The following HGD variants were observed in gnomAD, a reference collection of about 807,000 sequenced individuals.
HGD encodes the protein homogentisate 1,2-dioxygenase.
A neutral mutation model predicts 60.8 loss-of-function variants in HGD; 61 were observed. The observed-to-expected ratio is 1.00, with a 90% CI of 0.82 to 1.24. The LOEUF is 1.24. HGD is among the 50% of genes most tolerant of loss of function. HGD has a pLI of 0.00. For missense variants in HGD, 542 were observed against 547.1 expected (o/e 0.99, Z 0.09); for synonymous variants, 212 against 187.7 (o/e 1.13, Z -1.06).
At chr3:120,633,602 C>G (rs1452978352) in intron 12 of HGD, 6 of 1,398,822 alleles carry the variant, frequency 4.3e-6, no homozygotes, top group Non-Finnish European at 5.7e-6. Flanking sequence ...TAAAGAAAAT[C>G]AGGGCCCAGA....
intron 13 of HGD, 126 bp from the exon 14 acceptor site, chr3:120,628,655 T>C: frequency 1.7e-6 from 2 of 1,147,428 alleles, no homozygotes; most frequent in South Asian, 2.6e-5. Flanking sequence ...ATTTGTGTGC[T>C]AGAGTGGTGA....
chr3:120,632,771 T>C (rs1293600671), intron 13 of HGD, among the ~76,000 whole-genome samples: 1 of 152,204 alleles, frequency 6.6e-6, no homozygotes, highest in African/African-American at 2.4e-5. Flanking sequence ...TACATTTGAA[T>C]AGTGTTGGAC....
chr3:120,646,692 G>T (rs149298942), intron 8 of HGD, among the ~76,000 whole-genome samples: 1 of 151,072 alleles, frequency 6.6e-6, no homozygotes, highest in East Asian at 1.9e-4. Context: ...TGCCTCTACT[G>T]CCATTAGTGG....
chr3:120,641,442 C>T (rs1940975190), intron 11 of HGD, 147 bp downstream of exon 11: 7 of 686,858 alleles, frequency 1.0e-5, no homozygotes, highest in Non-Finnish European at 1.6e-5. Context: ...GTGTTATTTA[C>T]TCCCTCACCA....
At chr3:120,655,261 G>A (rs538291513) in intron 4 of HGD, among the ~76,000 whole-genome samples, 7 of 152,296 alleles carry the variant, frequency 4.6e-5, no homozygotes, top group African/African-American at 1.7e-4. Flanking sequence ...TAGCACATTA[G>A]CCCTCAAGTC....
intron 6 of HGD, 59 bp downstream of exon 6, chr3:120,650,715 C>T (rs1043514773): frequency 7.6e-7 from 1 of 1,313,692 alleles, no homozygotes; most frequent in African/African-American, 1.4e-5. Context: ...TGGAGTTTGA[C>T]TTCTGGCCAA....
At chr3:120,639,175 G>A (rs764674864) in intron 11 of HGD, among the ~76,000 whole-genome samples, 11 of 152,128 alleles carry the variant, frequency 7.2e-5, no homozygotes, top group African/African-American at 1.2e-4. Context: ...CCCAGGTAGC[G>A]AGCATAGTAT....
chr3:120,678,536 C>T (rs1272276630), intron 1 of HGD, among the ~76,000 whole-genome samples: 1 of 152,032 alleles, frequency 6.6e-6, no homozygotes, highest in African/African-American at 2.4e-5. Context: ...GTTTGGAACA[C>T]GAGTTAGTAT....
intron 13 of HGD, among the ~76,000 whole-genome samples, chr3:120,630,840 A>T (rs1174726548): frequency 1.2e-5 from 1 of 85,596 alleles, no homozygotes; most frequent in Admixed American, 1.2e-4. Flanking sequence ...ATACACACAC[A>T]CATACACACA....
chr3:120,672,540 G>A (rs779340350), intron 3 of HGD, among the ~76,000 whole-genome samples: 1 of 152,088 alleles, frequency 6.6e-6, no homozygotes, highest in Non-Finnish European at 1.5e-5. Flanking sequence ...GCCATCTGGG[G>A]GAAAAAGGGC....
intron 13 of HGD, among the ~76,000 whole-genome samples, chr3:120,631,405 C>A (rs1330109550): frequency 6.6e-6 from 1 of 151,758 alleles, no homozygotes; most frequent in Non-Finnish European, 1.5e-5. Flanking sequence ...TAATGGATAC[C>A]CCATTTATCT....
intron 6 of HGD, among the ~76,000 whole-genome samples, chr3:120,648,923 G>T (rs1941246326): frequency 1.3e-5 from 2 of 152,130 alleles, no homozygotes; most frequent in South Asian, 4.2e-4. Context: ...GAACCCTGAA[G>T]GAGTTGCCTG....
Position 120,633,159 on chromosome 3 carries a change from G to A in HGD, c.1176C>T (p.Ala392=), listed in dbSNP as rs368805723. The A allele has an allele frequency of 3.5e-5, 57 of 1,614,014 alleles. No homozygotes were observed. The African/African-American group carries it at 4.9e-4, about 14-fold the overall frequency. The change falls in exon 13 of 14, where the codon GCC becomes GCT. Residue 392 remains alanine (A), a synonymous_variant. Transcript: ENST00000283871. ...SKVKLAPERI[A]DGTMAFMFES... Reference sequence around the variant, plus strand: ...TTAACATACTTACCATGGTGCCATCGGCAATCCTCTCAGGTGCCAGCTTGA... The same window carrying A: ...TTAACATACTTACCATGGTGCCATCAGCAATCCTCTCAGGTGCCAGCTTGA...
intron 3 of HGD, chr3:120,674,652 A>G (rs1195021595): frequency 2.7e-5 from 12 of 437,818 alleles, no homozygotes; most frequent in Non-Finnish European, 4.7e-5. Context: ...TATAGGAGGT[A>G]ATTTGTAAAT....
chr3:120,655,858 A>C (rs1379089065), intron 4 of HGD, among the ~76,000 whole-genome samples: 1 of 152,194 alleles, frequency 6.6e-6, no homozygotes, highest in African/African-American at 2.4e-5. Context: ...TCTTACATAT[A>C]ACAACAGGTG....
At chr3:120,670,381 A>C (rs999946208) in intron 4 of HGD, 46 bp downstream of exon 4, 24 of 930,072 alleles carry the variant, frequency 2.6e-5, no homozygotes, top group Non-Finnish European at 4.1e-5. Context: ...ATTTCTAGTC[A>C]AGGCTTTGGG....
chr3:120,633,120 C>T (rs762175198), intron 13 of HGD, 27 bp downstream of exon 13: 1 of 1,611,834 alleles, frequency 6.2e-7, no homozygotes. Context: ...TCAGAGGCCG[C>T]TGGAATGTGG....
At chr3:120,679,158 A>G (rs1431047505) in intron 1 of HGD, among the ~76,000 whole-genome samples, 1 of 152,218 alleles carries the variant, frequency 6.6e-6, no homozygotes, top group Non-Finnish European at 1.5e-5. Context: ...TTGGCAGCTT[A>G]TGAGTATACA....
At chr3:120,657,217 A>G (rs1390309992) in intron 4 of HGD, among the ~76,000 whole-genome samples, 1 of 152,262 alleles carries the variant, frequency 6.6e-6, no homozygotes, top group African/African-American at 2.4e-5. Context: ...GTGGTCAAAA[A>G]TAATTTGAAA....
Sources: allele counts gnomAD v4.1 joint callset (sites outside exome capture counted in the v4.1 genomes callset), GRCh38; gene constraint gnomAD v4.1.1; transcripts MANE v1.5; gene names NCBI Gene and HGNC (gene_info 2026-07-23, HGNC 2026-07-21).